ROBO1: variants seen among roughly 807,000 people sequenced by gnomAD.
ROBO1 encodes roundabout homolog 1.
Under a neutral mutation model 195.9 loss-of-function variants are expected in ROBO1, and 149 were observed. That is an observed-to-expected ratio of 0.76 (90% confidence interval 0.67 to 0.87). ROBO1 has a LOEUF of 0.87. ROBO1 is among the 40% of genes least tolerant of loss of function. The probability of loss-of-function intolerance (pLI) is 0.00; values close to 1 mark genes in which losing one functional copy is unlikely to be tolerated. For missense variants in ROBO1, 1,933 were observed against 2,068.3 expected (o/e 0.93, Z 1.27); for synonymous variants, 816 against 733.2 (o/e 1.11, Z -1.82).
At chr3:78,656,956 C>G (rs956575763) in intron 18 of ROBO1, 142 bp downstream of exon 18, 1 of 751,398 alleles carries the variant, frequency 1.3e-6, no homozygotes, top group Non-Finnish European at 2.1e-6. Context: ...TTAAGTAAAG[C>G]TAACACCTTT....
At chr3:79,682,235 A>G (rs1442045141) in intron 1 of ROBO1, among the ~76,000 whole-genome samples, 1 of 152,058 alleles carries the variant, frequency 6.6e-6, no homozygotes, top group Non-Finnish European at 1.5e-5. Flanking sequence ...TCTAATAATT[A>G]GCATTTTAGC....
At chr3:79,345,602 G>C (rs2035079678) in intron 2 of ROBO1, among the ~76,000 whole-genome samples, 1 of 152,062 alleles carries the variant, frequency 6.6e-6, no homozygotes, top group Non-Finnish European at 1.5e-5. Flanking sequence ...ACACAAAATA[G>C]GAAAAGAGAT....
chr3:79,310,145 C>G (rs1196045874), intron 2 of ROBO1, among the ~76,000 whole-genome samples: 1 of 152,068 alleles, frequency 6.6e-6, no homozygotes, highest in Non-Finnish European at 1.5e-5. Context: ...TATAACATGC[C>G]TCATTTAAAG....
chr3:78,644,477 T>C, intron 21 of ROBO1, among the ~76,000 whole-genome samples: 1 of 152,200 alleles, frequency 6.6e-6, no homozygotes, highest in East Asian at 1.9e-4. Context: ...CTCTGAAATC[T>C]TTATTGAACT....
chr3:79,311,307 G>A (rs1318147219), intron 2 of ROBO1, among the ~76,000 whole-genome samples: 1 of 152,058 alleles, frequency 6.6e-6, no homozygotes, highest in Non-Finnish European at 1.5e-5. Context: ...TATTCCATAA[G>A]GTATGAAGCA....
At chr3:78,648,950 G>A (rs1175182975) in intron 19 of ROBO1, among the ~76,000 whole-genome samples, 1 of 151,978 alleles carries the variant, frequency 6.6e-6, no homozygotes, top group Non-Finnish European at 1.5e-5. Context: ...ATACTAGAAA[G>A]AAGAAAAGCA....
At chr3:79,265,911 G>A (rs1273179101) in intron 2 of ROBO1, among the ~76,000 whole-genome samples, 1 of 151,120 alleles carries the variant, frequency 6.6e-6, no homozygotes, top group Admixed American at 6.6e-5. Flanking sequence ...TTTTATGAAT[G>A]ATATAACAAA....
chr3:78,946,439 G>C (rs1369188347), intron 3 of ROBO1, among the ~76,000 whole-genome samples: 1 of 152,090 alleles, frequency 6.6e-6, no homozygotes, highest in Non-Finnish European at 1.5e-5. Context: ...ATAAGTGAAG[G>C]AGTAATAAAA....
intron 2 of ROBO1, among the ~76,000 whole-genome samples, chr3:79,369,615 G>A (rs2036114525): frequency 6.6e-6 from 1 of 151,932 alleles, no homozygotes; most frequent in African/African-American, 2.4e-5. Context: ...GTTAGATTTT[G>A]CTGGACCAAC....
intron 1 of ROBO1, among the ~76,000 whole-genome samples, chr3:79,680,618 T>A (rs779068428): frequency 7.9e-5 from 12 of 152,022 alleles, no homozygotes; most frequent in Non-Finnish European, 1.8e-4. Context: ...GACTGGGTGT[T>A]TTTCATCCAA....
chr3:79,053,738 T>G (rs913820377), intron 3 of ROBO1, among the ~76,000 whole-genome samples: 9 of 152,050 alleles, frequency 5.9e-5, no homozygotes, highest in Non-Finnish European at 7.4e-5. Context: ...TATCTACACA[T>G]GCTTTTCCTG....
At chr3:78,668,645 T>C in intron 11 of ROBO1, 80 bp from the exon 12 acceptor site, 1 of 1,277,786 alleles carries the variant, frequency 7.8e-7, no homozygotes, top group Admixed American at 1.9e-5. Context: ...GGTTTGTATA[T>C]GATCCATGAA....
intron 4 of ROBO1, among the ~76,000 whole-genome samples, chr3:78,843,789 T>C (rs1278370686): frequency 1.3e-5 from 2 of 152,092 alleles, no homozygotes; most frequent in Non-Finnish European, 2.9e-5. Context: ...AATATATATG[T>C]AGCAGAGGAA....
chr3:78,889,853 ACAACTT>A (rs1260185261), intron 4 of ROBO1, among the ~76,000 whole-genome samples: 3 of 152,136 alleles, frequency 2.0e-5, no homozygotes, highest in African/African-American at 7.2e-5. Context: ...TGATAAAAAT[ACAACTT>A]TCCAAATTAA....
intron 8 of ROBO1, chr3:78,692,805 G>A (rs1474525288): frequency 6.6e-6 from 1 of 152,004 alleles, no homozygotes; most frequent in Non-Finnish European, 1.5e-5. Context: ...GACATATCCT[G>A]GGATTATTTC....
intron 17 of ROBO1, among the ~76,000 whole-genome samples, chr3:78,657,746 C>T (rs1056054437): frequency 6.6e-6 from 1 of 152,230 alleles, no homozygotes; most frequent in Non-Finnish European, 1.5e-5. Flanking sequence ...CGTACTTCAA[C>T]AGTTCTCTGG....
intron 3 of ROBO1, among the ~76,000 whole-genome samples, chr3:79,004,662 G>T (rs1164758092): frequency 1.3e-5 from 2 of 152,162 alleles, no homozygotes; most frequent in African/African-American, 2.4e-5. Context: ...GAGGGAAAAG[G>T]ACAGACAGGA....
At chr3:79,246,454 G>A (rs1389674340) in intron 2 of ROBO1, among the ~76,000 whole-genome samples, 1 of 152,084 alleles carries the variant, frequency 6.6e-6, no homozygotes, top group Non-Finnish European at 1.5e-5. Flanking sequence ...CTGATGAATA[G>A]TGAAGCAAAT....
chr3:79,577,672 T>A (rs1943530921), intron 2 of ROBO1, among the ~76,000 whole-genome samples: 1 of 150,438 alleles, frequency 6.6e-6, no homozygotes, highest in Admixed American at 6.7e-5. Flanking sequence ...GGTCAAGAAT[T>A]TGAGACCAGT....
Sources: gnomAD v4.1 joint callset for allele counts (sites outside exome capture counted in the v4.1 genomes callset) on GRCh38, gnomAD v4.1.1 for gene constraint, MANE v1.5 for transcripts, NCBI Gene and HGNC (gene_info 2026-07-23, HGNC 2026-07-21) for gene names.